Variants in LAMA2 observed in about 807,000 individuals in gnomAD.
LAMA2 encodes laminin subunit alpha 2.
Under a neutral mutation model 364.8 loss-of-function variants are expected in LAMA2, and 269 were observed. That is an observed-to-expected ratio of 0.74 (90% CI 0.67 to 0.82). The LOEUF (loss-of-function observed/expected upper bound fraction) is 0.82, where lower values mean the gene tolerates loss of function less well. Among genes scored for constraint, LAMA2 ranks in the 40% least tolerant of loss-of-function variants. LAMA2 has a pLI of 0.00. For missense variants in LAMA2, 3,807 were observed against 3,873.2 expected (o/e 0.98, Z 0.45); for synonymous variants, 1,379 against 1,370.6 (o/e 1.01, Z -0.14).
intron 58 of LAMA2, among the ~76,000 whole-genome samples, chr6:129,500,437 A>G (rs58564339): frequency 0.045 from 6,911 of 152,278 alleles, 367 homozygotes; most frequent in African/African-American, 0.13. Flanking sequence ...ACTCTTTTCC[A>G]TAACATTGGC....
At chr6:129,502,983 A>C in intron 59 of LAMA2, 108 bp from the exon 60 acceptor site, 1 of 1,093,672 alleles carries the variant, frequency 9.1e-7, no homozygotes, top group Non-Finnish European at 1.4e-6. Context: ...ATCTCTGAGA[A>C]GGTTTTACTC....
chr6:129,255,457 C>T (rs1363938065), intron 14 of LAMA2, among the ~76,000 whole-genome samples: 1 of 128,934 alleles, frequency 7.8e-6, no homozygotes, highest in Non-Finnish European at 1.6e-5. Flanking sequence ...TGATTTAGCA[C>T]ACAGAGGTCA....
At chr6:129,427,490 A>G (rs1180431515) in intron 40 of LAMA2, among the ~76,000 whole-genome samples, 1 of 152,190 alleles carries the variant, frequency 6.6e-6, no homozygotes, top group Non-Finnish European at 1.5e-5. Flanking sequence ...GTGGAATGCC[A>G]GTCACCTTGC....
At chr6:129,208,706 AGG>A (rs1782873902) in intron 12 of LAMA2, among the ~76,000 whole-genome samples, 5 of 117,674 alleles carry the variant, frequency 4.2e-5, no homozygotes, top group South Asian at 7.3e-4. Flanking sequence ...GAAGGAAGGA[AGG>A]AAAAGGGAGG....
intron 29 of LAMA2, among the ~76,000 whole-genome samples, chr6:129,335,187 A>C (rs1470035312): frequency 1.1e-4 from 16 of 152,192 alleles, no homozygotes; most frequent in Admixed American, 6.6e-5. Flanking sequence ...CATCCTAGGC[A>C]TTAATAAATC....
intron 1 of LAMA2, among the ~76,000 whole-genome samples, chr6:129,031,412 C>T (rs1786212783): frequency 6.6e-6 from 1 of 152,142 alleles, no homozygotes; most frequent in Admixed American, 6.5e-5. Context: ...GGGGAATAGA[C>T]TGGATATTGC....
chr6:129,037,828 C>G (rs979526374), intron 1 of LAMA2, among the ~76,000 whole-genome samples: 4 of 152,072 alleles, frequency 2.6e-5, no homozygotes, highest in Non-Finnish European at 5.9e-5. Context: ...TGCCACCACA[C>G]CTGGCTAATT....
At position 129,267,228 on chromosome 6, in the gene LAMA2, T is replaced by C. The variant is rs1482250793; in HGVS notation, c.2322+9T>C. ...TCACTGGAGAATGCCTGGTAAGTGC[T>C]CTCTTCTTTGGGGATGCTGATTGAC... On this transcript the variant is annotated intron_variant, in intron 16 of 64. Transcript: ENST00000421865. The C allele has an allele frequency of 3.2e-6, 5 of 1,562,094 alleles. No individual in the cohort carries two copies. The highest frequency in any genetic ancestry group is 1.1e-5 in the South Asian group (1 of 90,056).
At chr6:129,060,891 G>A (rs1788864993) in intron 3 of LAMA2, among the ~76,000 whole-genome samples, 1 of 152,150 alleles carries the variant, frequency 6.6e-6, no homozygotes, top group Non-Finnish European at 1.5e-5. Flanking sequence ...CCACCCATAT[G>A]GGCCTCCTCG....
At chr6:129,459,389 G>C (rs1211258596) in intron 48 of LAMA2, among the ~76,000 whole-genome samples, 1 of 152,044 alleles carries the variant, frequency 6.6e-6, no homozygotes, top group Non-Finnish European at 1.5e-5. Context: ...GGAGGGACCA[G>C]GTCATTCTCT....
chr6:128,902,731 C>T (rs903414089), intron 1 of LAMA2, among the ~76,000 whole-genome samples: 4 of 152,020 alleles, frequency 2.6e-5, no homozygotes, highest in South Asian at 2.1e-4. Context: ...CCATCTTTGC[C>T]CACTGCAGCC....
At chr6:129,051,695 TCGATCTATAGATATCTATATCTATAGA>T (rs1788045364) in intron 2 of LAMA2, among the ~76,000 whole-genome samples, 1 of 98,198 alleles carries the variant, frequency 1.0e-5, no homozygotes, top group Non-Finnish European at 2.3e-5. Context: ...TATCTATAGA[TCGATCTATAGATATCTATATCTATAGA>T]TAGATATATA....
chr6:129,168,282 GT>G lies in LAMA2; in HGVS notation c.1306+2612del, dbSNP rs1442268366. 2.9e-3 allele frequency among the ~76,000 whole-genome samples: 440 copies of G among 150,136 alleles called. 1 individual carries two copies. The highest frequency in any genetic ancestry group is 8.4e-3 in the African/African-American group (346 of 41,026). Reference sequence around the variant, plus strand: ...GGTACTGCCTAGGTTTTCTTCTAGGGTTTTTATGGTTTTAGGTCTAACGTTT... The same window carrying G: ...GGTACTGCCTAGGTTTTCTTCTAGGGTTTTATGGTTTTAGGTCTAACGTTT... On this transcript the variant is annotated intron_variant, in intron 9 of 64. Coordinates refer to ENST00000421865, the MANE Select transcript of LAMA2 (RefSeq NM_000426.4).
Position 129,287,974 on chromosome 6 carries a change from T to C in LAMA2, c.2665T>C (p.Cys889Arg), listed in dbSNP as rs1477212677. The C allele has an allele frequency of 6.2e-7, 1 of 1,614,160 alleles. No homozygotes were observed. The highest frequency in any genetic ancestry group is 1.1e-5 in the South Asian group (1 of 91,090). Residue 889 changes from cysteine to arginine, a missense_variant, in exon 19 of 65, where the codon TGT becomes CGT. Physicochemically the swap from Cys to Arg is radical, Grantham distance 180 (BLOSUM62 -3). Transcript: ENST00000421865. ...CDSLSGSCLI[C>R]KPGTTGRYCE... ...CAGCTTGTCTGGCTCCTGTCTGATA[T>C]GTAAACCAGGTACAACAGGCCGGTA...
intron 4 of LAMA2, among the ~76,000 whole-genome samples, chr6:129,126,713 T>C (rs1777135581): frequency 6.6e-6 from 1 of 152,204 alleles, no homozygotes; most frequent in South Asian, 2.1e-4. Flanking sequence ...AATAAGTTTG[T>C]AAATTCAGAG....
intron 1 of LAMA2, among the ~76,000 whole-genome samples, chr6:128,895,176 GA>G (rs545179553): frequency 5.0e-4 from 76 of 152,212 alleles, no homozygotes; most frequent in African/African-American, 1.7e-3. Flanking sequence ...TTCTTCTGTG[GA>G]AAAAGCAGGA....
In LAMA2 at chr6:129,481,255, A is replaced by G; in HGVS notation, c.7573-8A>G. On this transcript the variant is annotated splice_region_variant and splice_polypyrimidine_tract_variant and intron_variant, in intron 54 of 64. Coordinates refer to ENST00000421865, the MANE Select transcript of LAMA2 (RefSeq NM_000426.4). ...ATGGTTTCTACTCTTCTTTTCCTTTACTCACAGAATGTTTACACAGTTAGC... is the reference window on the plus strand; with the variant it reads ...ATGGTTTCTACTCTTCTTTTCCTTTGCTCACAGAATGTTTACACAGTTAGC... The G allele has an allele frequency of 6.2e-7, 1 of 1,611,730 alleles. No individual in the cohort carries two copies. The highest frequency in any genetic ancestry group is 8.5e-7 in the Non-Finnish European group (1 of 1,178,058).
intron 47 of LAMA2, among the ~76,000 whole-genome samples, chr6:129,454,653 C>A (rs1782863908): frequency 6.6e-6 from 1 of 152,160 alleles, no homozygotes; most frequent in African/African-American, 2.4e-5. Flanking sequence ...CTTTGTTGTA[C>A]ACAGCTCCTC....
chr6:128,909,390 A>T (rs1777731493), intron 1 of LAMA2, among the ~76,000 whole-genome samples: 1 of 151,636 alleles, frequency 6.6e-6, no homozygotes. Flanking sequence ...CCATTATGTA[A>T]TGGCCTTCTT....
Sources: allele counts gnomAD v4.1 joint callset (sites outside exome capture counted in the v4.1 genomes callset), GRCh38; gene constraint gnomAD v4.1.1; transcripts MANE v1.5; gene names NCBI Gene and HGNC (gene_info 2026-07-23, HGNC 2026-07-21).